The following FEM1C variants were observed in gnomAD, a reference collection of about 807,000 sequenced individuals.
FEM1C encodes the protein fem-1 homolog C.
In FEM1C, 15 loss-of-function variants were observed where a neutral mutation model predicts 37.6. The ratio of observed to expected loss-of-function variants is 0.40; its 90% CI spans 0.27 to 0.61. FEM1C has a LOEUF of 0.61. FEM1C is among the 20% of genes least tolerant of loss of function. The pLI, the probability that FEM1C is intolerant of heterozygous loss-of-function variation, is 0.42. For missense variants in FEM1C, 532 were observed against 749.7 expected, an observed-to-expected ratio of 0.71 and a Z score of 3.39; for synonymous variants, 287 against 272.8, an observed-to-expected ratio of 1.05 and a Z score of -0.51.
intron 2 of FEM1C, among the ~76,000 whole-genome samples, chr5:115,540,542 A>G (rs570325783): frequency 2.6e-5 from 4 of 152,052 alleles, no homozygotes; most frequent in Non-Finnish European, 5.9e-5. Context: ...GAGAACAGAC[A>G]TACCCTCACA....
intron 2 of FEM1C, among the ~76,000 whole-genome samples, chr5:115,535,909 G>T (rs888554055): frequency 3.3e-5 from 5 of 151,946 alleles, no homozygotes; most frequent in Non-Finnish European, 5.9e-5. Context: ...ACTCATACAT[G>T]CTACAAAATG....
rs533728603 is a variant in FEM1C at position 115,530,945 on chromosome 5, TA to T, written c.545-5329del. ...AATTAGAGAAAGTAGAAGCAAACAG[TA>T]AAAAAAAAAAATTAATGAAAAAAGG... On this transcript the variant is annotated intron_variant, in intron 2 of 2. Transcript: ENST00000274457. Among the ~76,000 whole-genome samples, 585 of 143,026 alleles carry T rather than the reference TA, an allele frequency of 4.1e-3. 2 individuals are homozygous for T. Among genetic ancestry groups the T allele is most frequent in the African/African-American group, 7.0e-3 (275 of 39,254 alleles). The allele number at this position is 143,026 out of a possible 152,430, so 93.8% of individuals were successfully genotyped here. A position where few individuals can be genotyped will look rare whatever the true frequency, so the allele number is the denominator to read the frequency against.
intron 2 of FEM1C, among the ~76,000 whole-genome samples, chr5:115,537,680 A>G (rs895759757): frequency 1.2e-4 from 19 of 152,102 alleles, no homozygotes; most frequent in Non-Finnish European, 1.9e-4. Flanking sequence ...CTAGTAAGTT[A>G]TTTAAACATT....
At chr5:115,534,063 A>G (rs990251467) in intron 2 of FEM1C, among the ~76,000 whole-genome samples, 1 of 152,030 alleles carries the variant, frequency 6.6e-6, no homozygotes, top group Non-Finnish European at 1.5e-5. Context: ...CTAGAAAGCT[A>G]AAACAGTATG....
chr5:115,534,611 A>G (rs894894265), intron 2 of FEM1C, among the ~76,000 whole-genome samples: 1 of 152,010 alleles, frequency 6.6e-6, no homozygotes, highest in African/African-American at 2.4e-5. Flanking sequence ...CTCACGGAGT[A>G]GACAGAATTT....
At chr5:115,529,455 G>A (rs1251072658) in intron 2 of FEM1C, among the ~76,000 whole-genome samples, 1 of 151,922 alleles carries the variant, frequency 6.6e-6, no homozygotes, top group Non-Finnish European at 1.5e-5. Context: ...AAGAATAAAT[G>A]TCAAATAAAG....
At chr5:115,542,901 C>A (rs564157293) in intron 2 of FEM1C, 49 bp downstream of exon 2, 1 of 1,564,930 alleles carries the variant, frequency 6.4e-7, no homozygotes, top group Non-Finnish European at 8.6e-7. Flanking sequence ...TATCAAACTT[C>A]CTGAAAATAA....
chr5:115,530,750 A>ATAC (rs1183697774), intron 2 of FEM1C, among the ~76,000 whole-genome samples: 1 of 152,186 alleles, frequency 6.6e-6, no homozygotes. Flanking sequence ...TGAATTTTTA[A>ATAC]TACTCACTTG....
intron 2 of FEM1C, among the ~76,000 whole-genome samples, chr5:115,537,594 A>G (rs1754155341): frequency 6.6e-6 from 1 of 152,080 alleles, no homozygotes; most frequent in African/African-American, 2.4e-5. Context: ...AGGGGATACA[A>G]GAGGGAAAAG....
intron 2 of FEM1C, among the ~76,000 whole-genome samples, chr5:115,539,433 T>A (rs1207414907): frequency 6.6e-6 from 1 of 152,090 alleles, no homozygotes; most frequent in Non-Finnish European, 1.5e-5. Flanking sequence ...AGGACTCACC[T>A]AATCACTACA....
At chr5:115,525,644 T>G in intron 2 of FEM1C, 27 bp from the exon 3 acceptor site, 1 of 1,567,964 alleles carries the variant, frequency 6.4e-7, no homozygotes, top group Non-Finnish European at 8.7e-7. Flanking sequence ...AAAAAAGAAA[T>G]AACATACATT....
intron 1 of FEM1C, chr5:115,544,233 A>C (rs1333733982): frequency 2.1e-6 from 2 of 955,516 alleles, no homozygotes; most frequent in African/African-American, 3.5e-5. Flanking sequence ...TTTAGTCATT[A>C]ACTTCGCCCG....
At chr5:115,544,270 C>G (rs13356084) in intron 1 of FEM1C, 296,660 of 698,640 alleles carry the variant, frequency 0.42, 65,031 homozygotes, top group Middle Eastern at 0.49. Context: ...CCCCACCCCC[C>G]GCCAAGGGAT....
chr5:115,521,635 T>C lies in FEM1C; in HGVS notation c.*2673A>G, dbSNP rs962023007. The stretch of plus-strand genomic sequence containing the variant: ...AAGGGCATTTTCATAGAAATGTTAA[T>C]AACTTACACATTAACTCCAGTCAAT... On this transcript the variant is annotated 3_prime_UTR_variant, in exon 3 of 3. Coordinates refer to ENST00000274457, the MANE Select transcript of FEM1C (RefSeq NM_020177.3). 3.3e-5 allele frequency: 5 copies of C among 151,912 alleles called. No homozygotes were observed. Among genetic ancestry groups the C allele is most frequent in the African/African-American group, 1.2e-4 (5 of 41,446 alleles). 9.4% of individuals were successfully genotyped at this position (151,912 alleles called of 1,614,324 possible).
chr5:115,525,847 C>A (rs1347409171), intron 2 of FEM1C, among the ~76,000 whole-genome samples: 1 of 151,976 alleles, frequency 6.6e-6, no homozygotes, highest in African/African-American at 2.4e-5. Context: ...AAAAGACATC[C>A]AAAGTCACCA....
chr5:115,538,704 G>C (rs933309997), intron 2 of FEM1C, among the ~76,000 whole-genome samples: 1 of 151,994 alleles, frequency 6.6e-6, no homozygotes, highest in Non-Finnish European at 1.5e-5. Flanking sequence ...CCTGTACCTA[G>C]ATTAAATGTC....
intron 2 of FEM1C, among the ~76,000 whole-genome samples, chr5:115,538,962 T>C (rs925506780): frequency 4.6e-5 from 7 of 152,040 alleles, no homozygotes; most frequent in African/African-American, 1.7e-4. Flanking sequence ...GAAGCATTCC[T>C]AGTCAGTACA....
chr5:115,536,443 C>T (rs909054026), intron 2 of FEM1C, among the ~76,000 whole-genome samples: 4 of 151,746 alleles, frequency 2.6e-5, no homozygotes, highest in African/African-American at 7.3e-5. Flanking sequence ...GGGCTGAGTA[C>T]AGAGGTGGTC....
chr5:115,540,505 T>A (rs1754218192), intron 2 of FEM1C, among the ~76,000 whole-genome samples: 1 of 151,914 alleles, frequency 6.6e-6, no homozygotes, highest in African/African-American at 2.4e-5. Context: ...GGGAAAAAAA[T>A]GACTTAGAAT....
Sources: gnomAD v4.1 joint callset for allele counts (sites outside exome capture counted in the v4.1 genomes callset) on GRCh38, gnomAD v4.1.1 for gene constraint, MANE v1.5 for transcripts, NCBI Gene and HGNC (gene_info 2026-07-23, HGNC 2026-07-21) for gene names.